Variants in PTPRD observed in about 807,000 individuals in gnomAD.
PTPRD encodes protein tyrosine phosphatase receptor type D, also known as receptor-type tyrosine-protein phosphatase delta.
Under a neutral mutation model 214.5 loss-of-function variants are expected in PTPRD, and 34 were observed. The ratio of observed to expected loss-of-function variants is 0.16; its 90% CI spans 0.12 to 0.21. The LOEUF is 0.21. PTPRD is among the 10% of genes least tolerant of loss of function. PTPRD has a pLI of 1.00. For missense variants in PTPRD, 2,545 were observed against 2,398.7 expected (o/e 1.06, Z -1.27); for synonymous variants, 1,128 against 845.7 (o/e 1.33, Z -5.79).
chr9:9,521,399 C>T (rs2096968438), intron 8 of PTPRD, among the ~76,000 whole-genome samples: 2 of 152,088 alleles, frequency 1.3e-5, no homozygotes, highest in Admixed American at 1.3e-4. Flanking sequence ...TAGTCAACTC[C>T]CAATCATAAG....
intron 2 of PTPRD, among the ~76,000 whole-genome samples, chr9:10,348,472 T>A (rs2097127970): frequency 6.6e-6 from 1 of 152,146 alleles, no homozygotes; most frequent in Admixed American, 6.5e-5. Flanking sequence ...GTGGTGCACA[T>A]CAACACTCAG....
intron 9 of PTPRD, among the ~76,000 whole-genome samples, chr9:9,333,690 C>T (rs1175917473): frequency 6.6e-6 from 1 of 151,302 alleles, no homozygotes; most frequent in Admixed American, 6.6e-5. Flanking sequence ...ACTTGGTTTC[C>T]TGACAGTTGA....
chr9:8,685,062 A>C (rs1419226175), intron 12 of PTPRD, among the ~76,000 whole-genome samples: 1 of 152,100 alleles, frequency 6.6e-6, no homozygotes, highest in Non-Finnish European at 1.5e-5. Flanking sequence ...TTCTGTCCTG[A>C]TATTTTTCAA....
intron 2 of PTPRD, among the ~76,000 whole-genome samples, chr9:10,608,578 G>T (rs1428871015): frequency 2.0e-5 from 3 of 152,080 alleles, no homozygotes; most frequent in African/African-American, 7.2e-5. Flanking sequence ...TGCAACTTCA[G>T]TTATATTCAG....
At chr9:9,659,389 G>C (rs185845001) in intron 7 of PTPRD, among the ~76,000 whole-genome samples, 353 of 152,112 alleles carry the variant, frequency 2.3e-3, no homozygotes, top group African/African-American at 8.0e-3. Context: ...GTAAAATTAT[G>C]TTGCCAGGTG....
chr9:10,280,991 T>C (rs139095193), intron 3 of PTPRD, among the ~76,000 whole-genome samples: 276 of 152,298 alleles, frequency 1.8e-3, no homozygotes, highest in African/African-American at 6.0e-3. Flanking sequence ...ACCACTGGTC[T>C]AGAAAGAAAC....
chr9:9,248,668 A>G (rs1020217404), intron 9 of PTPRD, among the ~76,000 whole-genome samples: 4 of 152,100 alleles, frequency 2.6e-5, no homozygotes, highest in Admixed American at 2.0e-4. Context: ...GCACTATATT[A>G]TACATACAGT....
intron 7 of PTPRD, among the ~76,000 whole-genome samples, chr9:9,642,695 A>C (rs987501050): frequency 9.2e-5 from 14 of 152,210 alleles, no homozygotes; most frequent in African/African-American, 3.4e-4. Flanking sequence ...TGTTGGTTCT[A>C]AAGAAAACAC....
chr9:9,401,492 G>C (rs2070454918), intron 8 of PTPRD, among the ~76,000 whole-genome samples: 1 of 152,072 alleles, frequency 6.6e-6, no homozygotes, highest in South Asian at 2.1e-4. Context: ...AACTGAGTAT[G>C]AAGGGTAATT....
intron 9 of PTPRD, among the ~76,000 whole-genome samples, chr9:9,294,900 T>A (rs1421314911): frequency 6.6e-6 from 1 of 151,792 alleles, no homozygotes; most frequent in Non-Finnish European, 1.5e-5. Flanking sequence ...TGAATCTGAA[T>A]ACTCACGTTT....
intron 9 of PTPRD, among the ~76,000 whole-genome samples, chr9:9,290,205 A>T (rs56636329): frequency 1.3e-5 from 2 of 151,726 alleles, no homozygotes; most frequent in Admixed American, 1.3e-4. Flanking sequence ...TATCATGAGG[A>T]TTAGTTATGT....
At chr9:9,614,726 C>A (rs1399248516) in intron 7 of PTPRD, among the ~76,000 whole-genome samples, 1 of 152,034 alleles carries the variant, frequency 6.6e-6, no homozygotes, top group Non-Finnish European at 1.5e-5. Flanking sequence ...ACTAAAGTAA[C>A]CTTATACCTA....
At chr9:9,363,672 C>T (rs577996967) in intron 9 of PTPRD, among the ~76,000 whole-genome samples, 1 of 151,166 alleles carries the variant, frequency 6.6e-6, no homozygotes, top group East Asian at 2.0e-4. Flanking sequence ...GTGTGTGGGG[C>T]CTGAAGCTCA....
intron 2 of PTPRD, among the ~76,000 whole-genome samples, chr9:10,549,307 C>G (rs955932866): frequency 1.3e-5 from 2 of 152,094 alleles, no homozygotes; most frequent in Non-Finnish European, 2.9e-5. Context: ...GAACAGCCCT[C>G]TAATCACCAG....
intron 3 of PTPRD, among the ~76,000 whole-genome samples, chr9:10,113,459 C>G (rs111608733): frequency 1.6e-3 from 239 of 152,236 alleles, no homozygotes; most frequent in African/African-American, 4.2e-3. Flanking sequence ...AAACACCAAC[C>G]TCCAACTTCA....
At chr9:10,513,805 CTG>C (rs2049091150) in intron 2 of PTPRD, among the ~76,000 whole-genome samples, 1 of 152,140 alleles carries the variant, frequency 6.6e-6, no homozygotes, top group Non-Finnish European at 1.5e-5. Flanking sequence ...ATTTTTAAAA[CTG>C]TGTCAAATCA....
chr9:9,242,131 T>C (rs1200848866), intron 9 of PTPRD, among the ~76,000 whole-genome samples: 1 of 152,146 alleles, frequency 6.6e-6, no homozygotes, highest in African/African-American at 2.4e-5. Flanking sequence ...TATGAAATTC[T>C]GGGTTGAAAA....
chr9:8,738,211 G>A (rs181122347), intron 11 of PTPRD, among the ~76,000 whole-genome samples: 6 of 152,238 alleles, frequency 3.9e-5, no homozygotes, highest in South Asian at 4.2e-4. Context: ...AACAAAGAGC[G>A]CACTTGCCTA....
At chr9:8,848,319 T>TG (rs2154540624) in intron 11 of PTPRD, among the ~76,000 whole-genome samples, 1 of 39,386 alleles carries the variant, frequency 2.5e-5, no homozygotes, top group African/African-American at 3.9e-4. Flanking sequence ...TTTCCTTTTT[T>TG]TTTTTTTTTT....
Sources: allele counts gnomAD v4.1 joint callset (sites outside exome capture counted in the v4.1 genomes callset), GRCh38; gene constraint gnomAD v4.1.1; transcripts MANE v1.5; gene names NCBI Gene and HGNC (gene_info 2026-07-23, HGNC 2026-07-21).